CWC22: variants seen among roughly 807,000 people sequenced by gnomAD.
CWC22 encodes the protein pre-mRNA-splicing factor CWC22 homolog.
CWC22 carries 53 observed loss-of-function variants against 117.2 expected under a neutral mutation model. That is an observed-to-expected ratio of 0.45 (90% CI 0.36 to 0.57). The LOEUF (loss-of-function observed/expected upper bound fraction) is 0.57. Ranked by LOEUF, CWC22 falls within the 20% of genes least tolerant of loss-of-function variation. The pLI is 0.00. For synonymous variants in CWC22, 360 were observed against 355.6 expected, an observed-to-expected ratio of 1.01 and a Z score of -0.14; for missense variants, 980 against 1,068.8, an observed-to-expected ratio of 0.92 and a Z score of 1.16.
At chr2:179,970,376 G>C (rs1384073532) in intron 11 of CWC22, 125 bp downstream of exon 11, 1 of 1,047,840 alleles carries the variant, frequency 9.5e-7, no homozygotes, top group African/African-American at 1.6e-5. Flanking sequence ...ACAGCTAAGA[G>C]AATAACTTTA....
rs367612543 is a variant in CWC22 at position 179,981,977 on chromosome 2, C to A, written c.227G>T (p.Arg76Leu). The A allele has an allele frequency of 3.9e-6, 6 of 1,544,536 alleles. No homozygotes were observed. The highest frequency in any genetic ancestry group is 5.3e-6 in the Non-Finnish European group (6 of 1,140,778). Residue 76 changes from arginine (R) to leucine (L), a missense_variant, in exon 5 of 20, where the codon CGC (arginine) becomes CTC (leucine). By Grantham distance (102) the Arg-to-Leu change is moderately radical. Coordinates refer to ENST00000410053, the MANE Select transcript of CWC22 (RefSeq NM_020943.3). ...ATCCGTATCTCTTTCTCTTTCTCTGCGTTTTTCTCGGTCCCTGTTTCTGTA... is the reference window on the plus strand; with the variant it reads ...ATCCGTATCTCTTTCTCTTTCTCTGAGTTTTTCTCGGTCCCTGTTTCTGTA... ...MESRNRDREK[R>L]RERERDTDRK...
intron 13 of CWC22, among the ~76,000 whole-genome samples, chr2:179,961,279 G>A (rs1686741738): frequency 6.6e-6 from 1 of 151,858 alleles, no homozygotes; most frequent in Non-Finnish European, 1.5e-5. Flanking sequence ...TCTGTGGAAT[G>A]ACCACACCCT....
intron 11 of CWC22, among the ~76,000 whole-genome samples, chr2:179,967,750 T>C (rs1353279470): frequency 6.6e-6 from 1 of 151,778 alleles, no homozygotes; most frequent in Non-Finnish European, 1.5e-5. Context: ...TAAAGACATA[T>C]ATACAATGGT....
At chr2:179,983,962 G>A (rs764727531) in intron 4 of CWC22, among the ~76,000 whole-genome samples, 1 of 152,112 alleles carries the variant, frequency 6.6e-6, no homozygotes. Context: ...TATTGTGTTT[G>A]TTCCTTTATA....
intron 1 of CWC22, among the ~76,000 whole-genome samples, chr2:180,006,591 T>C (rs908689683): frequency 2.6e-5 from 4 of 152,184 alleles, no homozygotes; most frequent in African/African-American, 9.7e-5. Flanking sequence ...AGGGATATAA[T>C]GCCGGCAAGA....
chr2:179,998,671 T>C (rs779612456), intron 1 of CWC22, among the ~76,000 whole-genome samples: 30 of 152,284 alleles, frequency 2.0e-4, no homozygotes, highest in Non-Finnish European at 2.9e-4. Flanking sequence ...AAGTTCCAGA[T>C]AGCAAAGACT....
intron 2 of CWC22, among the ~76,000 whole-genome samples, chr2:179,991,060 T>C (rs1270741052): frequency 1.3e-5 from 2 of 152,194 alleles, no homozygotes; most frequent in African/African-American, 4.8e-5. Flanking sequence ...GAAAATACTA[T>C]ACAGTCAGAA....
chr2:179,975,820 T>C (rs1687139887), intron 6 of CWC22, among the ~76,000 whole-genome samples: 1 of 152,112 alleles, frequency 6.6e-6, no homozygotes, highest in South Asian at 2.1e-4. Context: ...TGTTAAAATG[T>C]CCACAGTACC....
chr2:179,976,827 T>G (rs35036146), intron 6 of CWC22, among the ~76,000 whole-genome samples: 22,797 of 152,136 alleles, frequency 0.15, 2,092 homozygotes, highest in Admixed American at 0.29. Flanking sequence ...ACAGCCATTA[T>G]GAAAATAGTA....
chr2:180,005,341 G>C (rs1687945206), intron 1 of CWC22, among the ~76,000 whole-genome samples: 1 of 152,220 alleles, frequency 6.6e-6, no homozygotes, highest in African/African-American at 2.4e-5. Flanking sequence ...ACTTTGGGAG[G>C]CCGAGGCGGG....
chr2:179,997,909 C>T (rs2105561390), intron 1 of CWC22, among the ~76,000 whole-genome samples: 1 of 152,266 alleles, frequency 6.6e-6, no homozygotes, highest in Admixed American at 6.5e-5. Context: ...TTTTAAATCA[C>T]TACTTAACAG....
chr2:179,975,410 A>G (rs896664039), intron 6 of CWC22, among the ~76,000 whole-genome samples: 15 of 152,242 alleles, frequency 9.9e-5, no homozygotes, highest in Non-Finnish European at 1.8e-4. Flanking sequence ...TTCCAATTCT[A>G]TTCAACATAG....
chr2:179,946,693 T>C (rs2105502645), intron 19 of CWC22, among the ~76,000 whole-genome samples: 1 of 152,280 alleles, frequency 6.6e-6, no homozygotes, highest in East Asian at 1.9e-4. Flanking sequence ...TTAAGTCAGA[T>C]CAAAATACAA....
intron 16 of CWC22, among the ~76,000 whole-genome samples, chr2:179,953,537 T>A (rs982239208): frequency 6.6e-6 from 1 of 152,114 alleles, no homozygotes; most frequent in African/African-American, 2.4e-5. Flanking sequence ...GGGCCATGTA[T>A]AATTCACTCT....
intron 5 of CWC22, among the ~76,000 whole-genome samples, chr2:179,981,310 C>T (rs1166126662): frequency 6.6e-6 from 1 of 152,156 alleles, no homozygotes; most frequent in African/African-American, 2.4e-5. Context: ...GACAAAATGA[C>T]TCACAGTGTA....
chr2:179,973,090 G>C (rs1007532067), intron 8 of CWC22, 103 bp downstream of exon 8: 3 of 529,270 alleles, frequency 5.7e-6, no homozygotes, highest in Non-Finnish European at 1.0e-5. Flanking sequence ...TTTATCCCAA[G>C]GACTATAAAG....
chr2:180,003,666 C>T (rs16867136), intron 1 of CWC22, among the ~76,000 whole-genome samples: 10,829 of 152,220 alleles, frequency 0.071, 497 homozygotes, highest in East Asian at 0.26. Flanking sequence ...CAAACTATTT[C>T]AGGAAGGACT....
intron 1 of CWC22, among the ~76,000 whole-genome samples, chr2:179,998,156 T>C (rs1293602268): frequency 1.3e-5 from 2 of 152,168 alleles, no homozygotes; most frequent in Non-Finnish European, 2.9e-5. Flanking sequence ...ATAAGAAACT[T>C]TGGTTCTCAA....
chr2:179,970,765 T>C lies in CWC22; in HGVS notation c.1032A>G (p.Lys344=), dbSNP rs750129464. The part of the protein sequence containing the change: ...YMIEVMFAVR[K]DGFKDHPIIL... ...TAATGGGGTGGTCCTTGAATCCATC[T>C]TTCCGTACAGCAAACATCACTTCAA... Residue 344 remains lysine, a synonymous_variant, in exon 10 of 20, where the codon AAA becomes AAG. Coordinates refer to ENST00000410053, the MANE Select transcript of CWC22 (RefSeq NM_020943.3). The C allele has an allele frequency of 5.0e-6, 8 of 1,613,818 alleles. No homozygotes were observed. The highest frequency in any genetic ancestry group is 6.8e-6 in the Non-Finnish European group (8 of 1,179,742).
Sources: allele counts gnomAD v4.1 joint callset (sites outside exome capture counted in the v4.1 genomes callset), GRCh38; gene constraint gnomAD v4.1.1; transcripts MANE v1.5; gene names NCBI Gene and HGNC (gene_info 2026-07-23, HGNC 2026-07-21).